TEPSIN: variants seen among roughly 807,000 people sequenced by gnomAD.
The protein encoded by TEPSIN is TEPSIN adaptor related protein complex 4 accessory protein.
In TEPSIN, 50 loss-of-function variants were observed where a neutral mutation model predicts 48.5. The ratio of observed to expected loss-of-function variants is 1.03; its 90% CI spans 0.82 to 1.31. The LOEUF (loss-of-function observed/expected upper bound fraction) is 1.31. Ranked by LOEUF, TEPSIN falls within the 50% of genes most tolerant of loss-of-function variation. The pLI is 0.00. For synonymous variants in TEPSIN, 392 were observed against 358.8 expected (o/e 1.09, Z -1.05); for missense variants, 838 against 815.9 (o/e 1.03, Z -0.33).
At chr17:81,229,693 G>A (rs1204744597) in intron 12 of TEPSIN, 3 of 594,630 alleles carry the variant, frequency 5.0e-6, no homozygotes, top group Admixed American at 3.2e-5. Flanking sequence ...CACGGGGCAG[G>A]TGTCACATAC....
chr17:81,232,042 G>A (rs368795942), intron 8 of TEPSIN, 21 bp from the exon 9 acceptor site: 19 of 1,599,050 alleles, frequency 1.2e-5, no homozygotes, highest in East Asian at 2.2e-5. Context: ...CAGGACAGCC[G>A]GTGAGATCCC....
intron 2 of TEPSIN, 21 bp downstream of exon 2, chr17:81,237,366 G>C (rs751140832): frequency 1.9e-6 from 3 of 1,608,132 alleles, no homozygotes; most frequent in Non-Finnish European, 2.5e-6. Flanking sequence ...TCCACTACAC[G>C]GGGACATCAA....
At position 81,233,412 on chromosome 17, in the gene TEPSIN, T is replaced by G; in HGVS notation, c.526+20A>C. The G allele has an allele frequency of 1.2e-6, 2 of 1,608,870 alleles. No homozygotes were observed. Among genetic ancestry groups the G allele is most frequent in the Non-Finnish European group, 1.7e-6 (2 of 1,179,096 alleles). ...CCACACCCTGAGATGCCAGAGCCCA[T>G]GCAGGCCCTCCCCACTCACCCGTGC... On this transcript the variant is annotated intron_variant, in intron 7 of 12. Coordinates refer to ENST00000637944, the MANE Select transcript of TEPSIN (RefSeq NM_001363764.2). This position sits in a 1 kb window ranked among gnomAD's most constrained non-coding sequence, Gnocchi z 5.8.
chr17:81,237,585 G>A, intron 1 of TEPSIN, 126 bp from the exon 2 acceptor site: 1 of 992,420 alleles, frequency 1.0e-6, no homozygotes. Context: ...AGAGGACTGG[G>A]AAGGGATGAG....
rs776532605 is a variant in TEPSIN at position 81,233,468 on chromosome 17, G to A, written c.490C>T (p.Gln164Ter). 1.9e-6 allele frequency: 3 copies of A among 1,610,286 alleles called. No individual in the cohort carries two copies. Among genetic ancestry groups the A allele is most frequent in the Admixed American group, 3.4e-5 (2 of 59,670 alleles). The stretch of plus-strand genomic sequence containing the variant: ...TGTTCCTTGCTGTAGCCGAAACCCT[G>A]GAGGGTGCTGTGCGGCCTGGCCTGG... ...GSQARPHSTL[Q>*]GFGYSKEHGR... The change falls in exon 7 of 13, where the codon CAG becomes TAG. Residue 164 changes from glutamine (Q) to a stop codon, truncating the protein, a stop_gained. Transcript: ENST00000637944. LOFTEE classifies it high-confidence loss of function. This position sits in a 1 kb window ranked among gnomAD's most constrained non-coding sequence, Gnocchi z 5.8.
intron 11 of TEPSIN, chr17:81,231,008 G>A (rs561964051): frequency 5.5e-5 from 27 of 491,284 alleles, no homozygotes; most frequent in Non-Finnish European, 8.3e-5. Flanking sequence ...CTGCTGCCCC[G>A]ATTGCCTTAC....
chr17:81,236,496 C>G (rs539000470), intron 4 of TEPSIN, among the ~76,000 whole-genome samples: 1 of 152,110 alleles, frequency 6.6e-6, no homozygotes, highest in Non-Finnish European at 1.5e-5. Context: ...CAGGGCGCGT[C>G]AGGGGAGGCC....
chr17:81,233,731 G>A lies in TEPSIN; in HGVS notation c.376-15C>T, dbSNP rs771735613. On this transcript the variant is annotated splice_polypyrimidine_tract_variant and intron_variant, in intron 5 of 12. Transcript: ENST00000637944. This position sits in a 1 kb window ranked among gnomAD's most constrained non-coding sequence, Gnocchi z 5.8. Reference sequence around the variant, plus strand: ...CTCCCCAAGTCCTACAGGGGGAGGCGAAGGCCCTCAGTGTCCTCACACCAG... The same window carrying A: ...CTCCCCAAGTCCTACAGGGGGAGGCAAAGGCCCTCAGTGTCCTCACACCAG... 6.9e-6 allele frequency: 11 copies of A among 1,584,218 alleles called. No individual in the cohort carries two copies. Among genetic ancestry groups the A allele is most frequent in the African/African-American group, 6.7e-5 (5 of 74,734 alleles).
At chr17:81,231,346 C>CA in intron 11 of TEPSIN, 52 bp downstream of exon 11, 1 of 1,474,618 alleles carries the variant, frequency 6.8e-7, no homozygotes, top group Non-Finnish European at 9.0e-7. Context: ...CACACACACG[C>CA]ACACAGGCAC....
Position 81,231,573 on chromosome 17 carries a change from C to G in TEPSIN, c.1019+5G>C. The G allele has an allele frequency of 6.2e-7, 1 of 1,610,868 alleles. No homozygotes were observed. Among genetic ancestry groups the G allele is most frequent in the Non-Finnish European group, 8.5e-7 (1 of 1,178,770 alleles). ...GCAGAGCAGGGCGGGTCCGGGCGCACTCACGCTTTGATGAAGTGCTGTGCC... is the reference window on the plus strand; with the variant it reads ...GCAGAGCAGGGCGGGTCCGGGCGCAGTCACGCTTTGATGAAGTGCTGTGCC... On this transcript the variant is annotated splice_donor_5th_base_variant and intron_variant, in intron 10 of 12. Transcript: ENST00000637944.
intron 4 of TEPSIN, among the ~76,000 whole-genome samples, chr17:81,236,496 C>T (rs539000470): frequency 6.6e-6 from 1 of 152,228 alleles, no homozygotes; most frequent in East Asian, 1.9e-4. Context: ...CAGGGCGCGT[C>T]AGGGGAGGCC....
At position 81,234,654 on chromosome 17, in the gene TEPSIN, C is replaced by T. The variant is rs1374630490; in HGVS notation, c.308-606G>A. Among the ~76,000 whole-genome samples, 3 of 152,076 alleles carry T rather than the reference C, an allele frequency of 2.0e-5. No homozygotes were observed. Among genetic ancestry groups the T allele is most frequent in the African/African-American group, 7.2e-5 (3 of 41,410 alleles). On this transcript the variant is annotated intron_variant, in intron 4 of 12. Coordinates refer to ENST00000637944, the MANE Select transcript of TEPSIN (RefSeq NM_001363764.2). This position sits in a 1 kb window ranked among gnomAD's most constrained non-coding sequence, Gnocchi z 5.4. ...CACAGGCGAATCCACTCACGCCCCT[C>T]GGCCGTCTACCTCCACCCTGGCAGG...
At position 81,234,217 on chromosome 17, in the gene TEPSIN, G is replaced by A. The variant is rs976378897; in HGVS notation, c.308-169C>T. On this transcript the variant is annotated intron_variant, in intron 4 of 12. Transcript: ENST00000637944. This position sits in a 1 kb window ranked among gnomAD's most constrained non-coding sequence, Gnocchi z 5.4. ...CCAGGACCCTGCAGAGGCCACACCT[G>A]AGCAGACCCTCAGCTCCCCCTCACC... 1.2e-5 allele frequency: 6 copies of A among 507,184 alleles called. No individual in the cohort carries two copies. The highest frequency in any genetic ancestry group is 1.0e-4 in the African/African-American group (5 of 49,584). The allele number at this position is 507,184 out of a possible 1,614,324, so 31.4% of individuals were successfully genotyped here.
chr17:81,230,863 G>T lies in TEPSIN; in HGVS notation c.1099-185C>A. 1 of 698,932 alleles carries T rather than the reference G, an allele frequency of 1.4e-6. No homozygotes were observed. Among genetic ancestry groups the T allele is most frequent in the Non-Finnish European group, 2.2e-6 (1 of 450,056 alleles). 43.3% of individuals were successfully genotyped at this position (698,932 alleles called of 1,614,324 possible). A position where few individuals can be genotyped will look rare whatever the true frequency, so the allele number is the denominator to read the frequency against. ...TACACCCCGGATCCCAGACACCACA[G>T]CCCTGTCCTCACCACCTTACACCCC... is the stretch of plus-strand genomic sequence containing the variant. On this transcript the variant is annotated intron_variant, in intron 11 of 12. Coordinates refer to ENST00000637944, the MANE Select transcript of TEPSIN (RefSeq NM_001363764.2). The surrounding 1 kb of genome is among the most constrained non-coding windows in gnomAD (Gnocchi z 4.2).
chr17:81,236,065 C>T (rs540667989), intron 4 of TEPSIN, among the ~76,000 whole-genome samples: 8 of 152,332 alleles, frequency 5.3e-5, no homozygotes, highest in African/African-American at 1.9e-4. Context: ...CCAGTGACCA[C>T]CTGGAGCCAG....
chr17:81,231,513 C>T lies in TEPSIN; in HGVS notation c.1020-37G>A, dbSNP rs369057773. 60 of 1,570,136 alleles carry T rather than the reference C, an allele frequency of 3.8e-5. No individual in the cohort carries two copies. The Admixed American group carries it at 4.3e-4, about 11-fold the overall frequency. On this transcript the variant is annotated intron_variant, in intron 10 of 12. Transcript: ENST00000637944. ...GGACACCTGGGTGGCGGGTGCGGCC[C>T]GTTCCCTCCTCCCTCGCCCACGGTT...
At chr17:81,238,157 G>A (rs181086783) in intron 1 of TEPSIN, 1 of 985,832 alleles carries the variant, frequency 1.0e-6, no homozygotes, top group African/African-American at 1.7e-5. Flanking sequence ...GAAGGGCCGA[G>A]ATCTAGTGAC....
intron 7 of TEPSIN, chr17:81,232,783 G>T: frequency 6.5e-6 from 3 of 461,228 alleles, no homozygotes; most frequent in Non-Finnish European, 1.2e-5. Flanking sequence ...GGGGGTGAAG[G>T]TGTCCTAAGG....
At chr17:81,237,568 G>A in intron 1 of TEPSIN, 109 bp from the exon 2 acceptor site, 1 of 1,140,710 alleles carries the variant, frequency 8.8e-7, no homozygotes, top group East Asian at 2.6e-5. Flanking sequence ...TGTTGACATG[G>A]CCGGAGAGAG....
Sources: allele counts gnomAD v4.1 joint callset (sites outside exome capture counted in the v4.1 genomes callset), GRCh38; gene constraint gnomAD v4.1.1; non-coding constraint Gnocchi (gnomAD v3.1); transcripts MANE v1.5; gene names NCBI Gene and HGNC (gene_info 2026-07-23, HGNC 2026-07-21).